Variants in CDH8 observed in about 807,000 individuals in gnomAD.
CDH8 encodes the protein cadherin-8.
In CDH8, 17 loss-of-function variants were observed where a neutral mutation model predicts 68.1. The observed-to-expected ratio is 0.25, with a 90% CI of 0.17 to 0.37. The LOEUF (loss-of-function observed/expected upper bound fraction) is 0.37, where lower values mean the gene tolerates loss of function less well. Ranked by LOEUF, CDH8 falls within the 10% of genes least tolerant of loss-of-function variation. CDH8 has a pLI of 1.00. For missense variants in CDH8, 763 were observed against 999.3 expected (o/e 0.76, Z 3.19); for synonymous variants, 372 against 365.1 (o/e 1.02, Z -0.21).
intron 8 of CDH8, among the ~76,000 whole-genome samples, chr16:61,739,271 A>T (rs529998711): frequency 6.6e-6 from 1 of 152,278 alleles, no homozygotes; most frequent in Admixed American, 6.5e-5. Flanking sequence ...CAGAGGAATT[A>T]ATGTGTCGAC....
intron 1 of CDH8, among the ~76,000 whole-genome samples, chr16:62,026,780 T>C (rs1313799994): frequency 6.6e-6 from 1 of 152,216 alleles, no homozygotes; most frequent in East Asian, 1.9e-4. Context: ...GGGATGGGAC[T>C]CTGCTGTGAC....
At chr16:61,812,189 A>G (rs1961967051) in intron 7 of CDH8, among the ~76,000 whole-genome samples, 1 of 152,218 alleles carries the variant, frequency 6.6e-6, no homozygotes, top group African/African-American at 2.4e-5. Context: ...TTTCTACAGT[A>G]TGAAATATTT....
chr16:61,672,784 C>A (rs1963824495), intron 10 of CDH8, among the ~76,000 whole-genome samples: 1 of 151,872 alleles, frequency 6.6e-6, no homozygotes, highest in Non-Finnish European at 1.5e-5. Flanking sequence ...TAAGGTTCTT[C>A]AAGATTCATA....
In CDH8 at chr16:61,653,409, A is replaced by G; in HGVS notation, c.*199T>C. On this transcript the variant is annotated 3_prime_UTR_variant, in exon 12 of 12. Transcript: ENST00000577390. ...ACTCCACATACTTAATTCACACTCC[A>G]CAAGATTTATAACCTCCTAACATAT... is the stretch of plus-strand genomic sequence containing the variant. The G allele has an allele frequency of 1.5e-6, 2 of 1,378,884 alleles. No homozygotes were observed. Among genetic ancestry groups the G allele is most frequent in the Admixed American group, 3.4e-5 (1 of 29,564 alleles). 85.4% of individuals were successfully genotyped at this position (1,378,884 alleles called of 1,614,324 possible). A position where few individuals can be genotyped will look rare whatever the true frequency, so the allele number is the denominator to read the frequency against.
chr16:61,811,307 G>C (rs1257640973), intron 7 of CDH8, among the ~76,000 whole-genome samples: 3 of 152,184 alleles, frequency 2.0e-5, no homozygotes, highest in Non-Finnish European at 4.4e-5. Flanking sequence ...CGCAGGTATA[G>C]TGAGTTTTTC....
At chr16:61,719,459 T>C (rs1476187348) in intron 9 of CDH8, among the ~76,000 whole-genome samples, 2 of 151,244 alleles carry the variant, frequency 1.3e-5, no homozygotes, top group Non-Finnish European at 3.0e-5. Context: ...TTCCAGTTTC[T>C]TCTGCCTCTT....
chr16:61,967,378 C>T (rs578060209), intron 2 of CDH8, among the ~76,000 whole-genome samples: 3 of 152,162 alleles, frequency 2.0e-5, no homozygotes, highest in South Asian at 2.1e-4. Context: ...GTGTTAATGC[C>T]GATAATTAGT....
intron 8 of CDH8, among the ~76,000 whole-genome samples, chr16:61,769,174 T>A (rs553786275): frequency 6.6e-6 from 1 of 151,902 alleles, no homozygotes; most frequent in Admixed American, 6.6e-5. Flanking sequence ...GTCATATTAT[T>A]ATAAAAAAGT....
chr16:61,949,667 T>C (rs1265180232), intron 2 of CDH8, among the ~76,000 whole-genome samples: 25 of 151,928 alleles, frequency 1.6e-4, no homozygotes, highest in Admixed American at 1.6e-3. Context: ...CCTTATAGGA[T>C]ATGCTTGGGA....
At chr16:61,914,499 G>A (rs1964206974) in intron 2 of CDH8, among the ~76,000 whole-genome samples, 1 of 151,952 alleles carries the variant, frequency 6.6e-6, no homozygotes, top group East Asian at 1.9e-4. Flanking sequence ...GAGGTAGGGA[G>A]ATTTTTTTTT....
intron 7 of CDH8, among the ~76,000 whole-genome samples, chr16:61,800,987 A>G (rs1054503964): frequency 1.7e-4 from 24 of 143,180 alleles, no homozygotes; most frequent in Admixed American, 1.3e-4. Flanking sequence ...ATTTTGCCTT[A>G]TGAGTATAAT....
At chr16:61,766,664 G>C (rs1960603059) in intron 8 of CDH8, among the ~76,000 whole-genome samples, 1 of 151,656 alleles carries the variant, frequency 6.6e-6, no homozygotes. Context: ...TTGTTTGTTT[G>C]TTTGTTTGTT....
intron 6 of CDH8, among the ~76,000 whole-genome samples, chr16:61,818,937 T>C (rs1962145951): frequency 7.0e-6 from 1 of 142,834 alleles, no homozygotes; most frequent in Admixed American, 7.0e-5. Flanking sequence ...CTTGGCTCCT[T>C]TTTTTTTTTT....
intron 3 of CDH8, among the ~76,000 whole-genome samples, chr16:61,873,928 C>T (rs1378026262): frequency 1.3e-5 from 2 of 152,086 alleles, no homozygotes; most frequent in African/African-American, 4.8e-5. Context: ...TGGTGGTGCA[C>T]ACCTGTAATC....
intron 10 of CDH8, among the ~76,000 whole-genome samples, chr16:61,710,105 C>T (rs578100011): frequency 1.5e-4 from 23 of 152,230 alleles, no homozygotes; most frequent in South Asian, 4.1e-4. Flanking sequence ...CTTATTGTTG[C>T]GTGTTTTTCT....
chr16:61,975,003 A>C (rs2150579196), intron 2 of CDH8, among the ~76,000 whole-genome samples: 1 of 152,318 alleles, frequency 6.6e-6, no homozygotes, highest in African/African-American at 2.4e-5. Context: ...TAGAGTAATG[A>C]ATGAATGCTT....
chr16:62,030,845 T>C (rs1902308040), intron 1 of CDH8, among the ~76,000 whole-genome samples: 1 of 152,084 alleles, frequency 6.6e-6, no homozygotes, highest in Admixed American at 6.5e-5. Context: ...TTTCCCTGTG[T>C]CTATATGTGA....
intron 2 of CDH8, among the ~76,000 whole-genome samples, chr16:61,954,783 G>C (rs1964959167): frequency 6.6e-6 from 1 of 151,682 alleles, no homozygotes; most frequent in Admixed American, 6.6e-5. Context: ...TTAAAAACCA[G>C]CCCAAGCTCA....
intron 8 of CDH8, among the ~76,000 whole-genome samples, chr16:61,768,421 TCTCTCTCC>T (rs1363078029): frequency 1.0e-4 from 14 of 135,960 alleles, no homozygotes; most frequent in South Asian, 2.5e-4. Context: ...TCTCTCTCTC[TCTCTCTCC>T]CTCTCCCTCT....
Sources: allele counts gnomAD v4.1 joint callset (sites outside exome capture counted in the v4.1 genomes callset), GRCh38; gene constraint gnomAD v4.1.1; transcripts MANE v1.5; gene names NCBI Gene and HGNC (gene_info 2026-07-23, HGNC 2026-07-21).